Variants in GNG7 observed in about 807,000 individuals in gnomAD.
GNG7 encodes G protein subunit gamma 7, also known as guanine nucleotide-binding protein G(I)/G(S)/G(O) subunit gamma-7.
In GNG7, 1 loss-of-function variant was observed where a neutral mutation model predicts 4.0. The ratio of observed to expected loss-of-function variants is 0.25; its 90% CI spans 0.09 to 1.18. The LOEUF (loss-of-function observed/expected upper bound fraction) is 1.18, where lower values mean the gene tolerates loss of function less well. GNG7 is among the 50% of genes most tolerant of loss of function. GNG7 has a pLI of 0.50. For missense variants in GNG7, 86 were observed against 91.9 expected (o/e 0.94, Z 0.26); for synonymous variants, 34 against 36.9 (o/e 0.92, Z 0.29).
chr19:2,678,785 G>A (rs1052933197), intron 1 of GNG7, among the ~76,000 whole-genome samples: 5 of 151,820 alleles, frequency 3.3e-5, no homozygotes, highest in South Asian at 4.2e-4. Context: ...GGCCTTCAAC[G>A]CCAGGTCTAC....
intron 2 of GNG7, among the ~76,000 whole-genome samples, chr19:2,624,029 G>A (rs1046894429): frequency 6.6e-6 from 1 of 152,098 alleles, no homozygotes; most frequent in Non-Finnish European, 1.5e-5. Flanking sequence ...AAGGGAAGCA[G>A]GATGGGGGGT....
chr19:2,679,935 G>C (rs1293498023), intron 1 of GNG7, among the ~76,000 whole-genome samples: 1 of 152,084 alleles, frequency 6.6e-6, no homozygotes, highest in Admixed American at 6.6e-5. Flanking sequence ...GAACCAGTCA[G>C]TGTCCACAGC....
At chr19:2,518,419 G>A (rs1169000064) in intron 4 of GNG7, among the ~76,000 whole-genome samples, 1 of 152,198 alleles carries the variant, frequency 6.6e-6, no homozygotes, top group African/African-American at 2.4e-5. Context: ...TGAATGCTCA[G>A]GTCTGTCCTC....
intron 2 of GNG7, among the ~76,000 whole-genome samples, chr19:2,628,374 T>A (rs1204999313): frequency 6.6e-6 from 1 of 152,148 alleles, no homozygotes; most frequent in Non-Finnish European, 1.5e-5. Context: ...GGCTGTTGGA[T>A]GTGAGTGCTC....
Position 2,661,280 on chromosome 19 carries a change from AAGAAAGAAAGAAAGAAAGAAAG to A in GNG7, c.-134-15022_-134-15001del, listed in dbSNP as rs1568277695. Among the ~76,000 whole-genome samples the A allele has an allele frequency of 7.9e-3, 463 of 58,918 alleles. 34 individuals carry two copies. Among genetic ancestry groups the A allele is most frequent in the African/African-American group, 0.033 (407 of 12,328 alleles). The allele number at this position is 58,918 out of a possible 152,430, so 38.7% of individuals were successfully genotyped here. A position where few individuals can be genotyped will look rare whatever the true frequency, so the allele number is the denominator to read the frequency against. ...AAGAAAGAAAGAAAGAAAAGAAAGA[AAGAAAGAAAGAAAGAAAGAAAG>A]AGAAAGAAAGAAAGAAAGAAAGAAA... On this transcript the variant is annotated intron_variant, in intron 1 of 4. Coordinates refer to ENST00000382159, the MANE Select transcript of GNG7 (RefSeq NM_052847.3).
At chr19:2,592,731 A>G in intron 2 of GNG7, among the ~76,000 whole-genome samples, 1 of 70,924 alleles carries the variant, frequency 1.4e-5, no homozygotes, top group African/African-American at 6.0e-5. Flanking sequence ...AGCAACAAGG[A>G]GAGGGAAGGA....
chr19:2,684,851 C>G (rs1482545690), intron 1 of GNG7, among the ~76,000 whole-genome samples: 2 of 151,808 alleles, frequency 1.3e-5, no homozygotes, highest in African/African-American at 4.8e-5. Context: ...TGGACGGGCG[C>G]AGTGGCTCAC....
At chr19:2,568,270 C>T (rs1979996739) in intron 2 of GNG7, among the ~76,000 whole-genome samples, 2 of 148,172 alleles carry the variant, frequency 1.3e-5, no homozygotes, top group African/African-American at 5.0e-5. Flanking sequence ...CATATAGAGA[C>T]ACATATAGAC....
At chr19:2,677,100 C>T (rs923714047) in intron 1 of GNG7, among the ~76,000 whole-genome samples, 20 of 152,164 alleles carry the variant, frequency 1.3e-4, no homozygotes, top group African/African-American at 4.8e-4. Flanking sequence ...CTTAATTACA[C>T]TTGCATATAT....
At chr19:2,665,262 G>A (rs998118538) in intron 1 of GNG7, among the ~76,000 whole-genome samples, 5 of 151,956 alleles carry the variant, frequency 3.3e-5, no homozygotes. Flanking sequence ...GAGCACTGCA[G>A]CACGCTGAGC....
intron 2 of GNG7, among the ~76,000 whole-genome samples, chr19:2,638,063 C>T (rs1162028081): frequency 6.6e-6 from 1 of 152,016 alleles, no homozygotes; most frequent in African/African-American, 2.4e-5. Context: ...GGACTGAAGT[C>T]AGTTTTGAAA....
intron 3 of GNG7, among the ~76,000 whole-genome samples, chr19:2,548,649 C>A (rs1369225208): frequency 9.1e-6 from 1 of 109,982 alleles, no homozygotes; most frequent in African/African-American, 3.5e-5. Flanking sequence ...ATTAGCCGGG[C>A]CTGGTGGCGC....
intron 3 of GNG7, among the ~76,000 whole-genome samples, chr19:2,523,906 G>C (rs563484195): frequency 1.2e-4 from 19 of 152,312 alleles, no homozygotes; most frequent in African/African-American, 4.6e-4. Context: ...TTTGGGGGCA[G>C]AGAAGGCCCA....
intron 3 of GNG7, among the ~76,000 whole-genome samples, chr19:2,553,846 T>A (rs967010035): frequency 1.4e-5 from 2 of 144,128 alleles, no homozygotes; most frequent in African/African-American, 5.1e-5. Context: ...TAATATTGCA[T>A]ACATGTACAT....
At chr19:2,573,038 T>TG (rs1980197541) in intron 2 of GNG7, among the ~76,000 whole-genome samples, 1 of 140,678 alleles carries the variant, frequency 7.1e-6, no homozygotes, top group East Asian at 2.0e-4. Flanking sequence ...TTTTTTTTTT[T>TG]GTTTTGAGAC....
chr19:2,615,455 T>G (rs1426056476), intron 2 of GNG7, among the ~76,000 whole-genome samples: 2 of 712 alleles, frequency 2.8e-3, no homozygotes, highest in South Asian at 0.038. Flanking sequence ...TCTTTTCCGG[T>G]TTTTTTTTTT....
At chr19:2,529,845 G>A (rs1004416677) in intron 3 of GNG7, among the ~76,000 whole-genome samples, 1 of 152,160 alleles carries the variant, frequency 6.6e-6, no homozygotes, top group Non-Finnish European at 1.5e-5. Flanking sequence ...GTGCCTGCCT[G>A]GAAATGGAAA....
intron 3 of GNG7, among the ~76,000 whole-genome samples, chr19:2,522,213 C>T (rs931901929): frequency 2.6e-5 from 4 of 152,136 alleles, no homozygotes; most frequent in Non-Finnish European, 4.4e-5. Flanking sequence ...CGATCCAGCC[C>T]CACGTGTCAG....
intron 3 of GNG7, among the ~76,000 whole-genome samples, chr19:2,530,939 G>T (rs1339825114): frequency 2.6e-5 from 4 of 152,166 alleles, no homozygotes; most frequent in African/African-American, 4.8e-5. Flanking sequence ...GAGGTCCAGG[G>T]TTTCCTGAGG....
Sources: gnomAD v4.1 joint callset for allele counts (sites outside exome capture counted in the v4.1 genomes callset) on GRCh38, gnomAD v4.1.1 for gene constraint, MANE v1.5 for transcripts, NCBI Gene and HGNC (gene_info 2026-07-23, HGNC 2026-07-21) for gene names.